The following TNRC6B variants were observed in gnomAD, a reference collection of about 807,000 sequenced individuals.
TNRC6B encodes the protein trinucleotide repeat-containing gene 6B protein.
In TNRC6B, 52 loss-of-function variants were observed where a neutral mutation model predicts 203.6. That is an observed-to-expected ratio of 0.26 (90% CI 0.20 to 0.32). TNRC6B has a LOEUF of 0.32. Among genes scored for constraint, TNRC6B ranks in the 10% least tolerant of loss-of-function variants. The pLI is 1.00. For synonymous variants in TNRC6B, 838 were observed against 845.7 expected (o/e 0.99, Z 0.16); for missense variants, 1,923 against 2,286.2 (o/e 0.84, Z 3.24).
At chr22:40,184,240 A>C (rs2069173518) in intron 1 of TNRC6B, among the ~76,000 whole-genome samples, 1 of 152,344 alleles carries the variant, frequency 6.6e-6, no homozygotes, top group African/African-American at 2.4e-5. Flanking sequence ...GATTTTCTCC[A>C]GACACGACTG....
intron 1 of TNRC6B, among the ~76,000 whole-genome samples, chr22:40,089,431 C>A (rs962535871): frequency 1.3e-5 from 2 of 152,180 alleles, no homozygotes; most frequent in South Asian, 2.1e-4. Context: ...TGGGGCTTCA[C>A]CATGTTGGCC....
At chr22:40,267,306 A>G (rs557101914) in intron 5 of TNRC6B, among the ~76,000 whole-genome samples, 2 of 152,350 alleles carry the variant, frequency 1.3e-5, no homozygotes, top group South Asian at 4.1e-4. Context: ...TGGTCTGCAG[A>G]ATCCAAAAGA....
At chr22:40,186,762 A>G (rs185740320) in intron 1 of TNRC6B, among the ~76,000 whole-genome samples, 11 of 152,138 alleles carry the variant, frequency 7.2e-5, no homozygotes, top group Admixed American at 2.0e-4. Flanking sequence ...GTTAAAAATA[A>G]AAAGAAATAA....
At chr22:40,170,671 G>A (rs62638153) in intron 4 of TNRC6B, among the ~76,000 whole-genome samples, 69,827 of 104,250 alleles carry the variant, frequency 0.67, 26,172 homozygotes, top group African/African-American at 0.9. Flanking sequence ...CATCACATTT[G>A]AAAACAATTC....
At chr22:40,296,281 G>A (rs1024031529) in intron 12 of TNRC6B, among the ~76,000 whole-genome samples, 2 of 151,896 alleles carry the variant, frequency 1.3e-5, no homozygotes, top group African/African-American at 4.8e-5. Context: ...ATCAGAAATG[G>A]GAAAGAAGCA....
At chr22:40,320,951 G>C in intron 21 of TNRC6B, 139 bp from the exon 22 acceptor site, 10 of 910,156 alleles carry the variant, frequency 1.1e-5, no homozygotes, top group Non-Finnish European at 1.5e-5. Flanking sequence ...TGAATCATAT[G>C]CTTTTGTTTT....
intron 1 of TNRC6B, among the ~76,000 whole-genome samples, chr22:40,057,418 C>G (rs750053311): frequency 1.3e-5 from 2 of 151,792 alleles, no homozygotes; most frequent in African/African-American, 4.8e-5. Context: ...CTCAGCCTCC[C>G]GAGTAGCTGG....
intron 1 of TNRC6B, among the ~76,000 whole-genome samples, chr22:40,077,578 A>G (rs2068027938): frequency 6.6e-6 from 1 of 152,154 alleles, no homozygotes; most frequent in African/African-American, 2.4e-5. Context: ...TTGCTGGGCT[A>G]CAAGCAGTTT....
At chr22:40,103,271 A>G (rs2068255663) in intron 1 of TNRC6B, among the ~76,000 whole-genome samples, 1 of 151,242 alleles carries the variant, frequency 6.6e-6, no homozygotes, top group African/African-American at 2.4e-5. Context: ...CTGTCTCAAA[A>G]AAAAAAAAAA....
intron 2 of TNRC6B, among the ~76,000 whole-genome samples, chr22:40,118,721 A>G (rs73885653): frequency 0.049 from 7,421 of 152,292 alleles, 605 homozygotes; most frequent in African/African-American, 0.17. Flanking sequence ...AGGGGTTGAC[A>G]GTCTAATCCT....
chr22:40,253,086 T>TTTTTTTTC (rs1455983397), intron 3 of TNRC6B, among the ~76,000 whole-genome samples: 2 of 148,856 alleles, frequency 1.3e-5, no homozygotes, highest in South Asian at 2.1e-4. Context: ...GCATCTTTTC[T>TTTTTTTTC]TTTTTTTCTT....
intron 15 of TNRC6B, 75 bp from the exon 16 acceptor site, chr22:40,308,437 G>C: frequency 6.6e-7 from 1 of 1,525,944 alleles, no homozygotes; most frequent in Non-Finnish European, 9.1e-7. Flanking sequence ...ACACTTGAAG[G>C]CATTCCTGGA....
At chr22:40,178,662 T>C (rs1226402226) in intron 1 of TNRC6B, among the ~76,000 whole-genome samples, 1 of 152,098 alleles carries the variant, frequency 6.6e-6, no homozygotes, top group Non-Finnish European at 1.5e-5. Context: ...TAAGACCTAA[T>C]ACATTTTAAA....
chr22:40,127,192 T>G (rs1312072154), intron 3 of TNRC6B, among the ~76,000 whole-genome samples: 2 of 152,130 alleles, frequency 1.3e-5, no homozygotes, highest in African/African-American at 4.8e-5. Flanking sequence ...TTCAGAATTG[T>G]CTGTAGCTCT....
At chr22:40,301,053 T>A (rs1055899252) in intron 14 of TNRC6B, 48 bp downstream of exon 14, 2 of 1,587,366 alleles carry the variant, frequency 1.3e-6, no homozygotes, top group African/African-American at 2.7e-5. Flanking sequence ...GAGGAGTACA[T>A]CCCGGCTTAG....
At chr22:40,126,324 G>C (rs189197511) in intron 3 of TNRC6B, among the ~76,000 whole-genome samples, 1 of 152,132 alleles carries the variant, frequency 6.6e-6, no homozygotes, top group Admixed American at 6.5e-5. Context: ...CTGAGGCTTG[G>C]GGTACAAGTG....
At chr22:40,219,740 C>T (rs371534041) in intron 1 of TNRC6B, among the ~76,000 whole-genome samples, 14 of 152,182 alleles carry the variant, frequency 9.2e-5, no homozygotes, top group Non-Finnish European at 1.6e-4. Flanking sequence ...AAATGTCCCC[C>T]CTTCCCTCAC....
chr22:40,205,705 A>G (rs183330417), intron 1 of TNRC6B, among the ~76,000 whole-genome samples: 28 of 152,340 alleles, frequency 1.8e-4, no homozygotes, highest in Admixed American at 1.7e-3. Flanking sequence ...ATTACTTTAA[A>G]AATGTAATTG....
chr22:40,206,399 C>T (rs886166489), intron 1 of TNRC6B, among the ~76,000 whole-genome samples: 1 of 152,126 alleles, frequency 6.6e-6, no homozygotes, highest in African/African-American at 2.4e-5. Context: ...ACAAGACCTT[C>T]ATGGGAGAAA....
Sources: allele counts gnomAD v4.1 joint callset (sites outside exome capture counted in the v4.1 genomes callset), GRCh38; gene constraint gnomAD v4.1.1; transcripts MANE v1.5; gene names NCBI Gene and HGNC (gene_info 2026-07-23, HGNC 2026-07-21).